Variants in TRMT44 observed in about 807,000 individuals in gnomAD.
TRMT44 encodes the protein tRNA methyltransferase 44 homolog.
TRMT44 carries 78 observed loss-of-function variants against 77.3 expected under a neutral mutation model. The observed-to-expected ratio is 1.01, with a 90% CI of 0.84 to 1.22. The LOEUF is 1.22. TRMT44 is among the 50% of genes most tolerant of loss of function. TRMT44 has a pLI of 0.00. For synonymous variants in TRMT44, 391 were observed against 383.3 expected (o/e 1.02, Z -0.23); for missense variants, 1,090 against 964.4 (o/e 1.13, Z -1.73).
At chr4:8,499,455 CT>C in the TRMT44 span, among the ~76,000 whole-genome samples, 1 of 151,754 alleles carries the variant, frequency 6.6e-6, no homozygotes, top group Non-Finnish European at 1.5e-5. Context: ...AGGCCTTTGC[CT>C]TCCCTCTTCT....
intron 2 of TRMT44, among the ~76,000 whole-genome samples, chr4:8,488,804 A>G (rs377419549): frequency 8.1e-4 from 123 of 152,312 alleles, no homozygotes; most frequent in African/African-American, 2.7e-3. Context: ...AGCTGAAGCT[A>G]TAGCCCAGGC....
the TRMT44 span, chr4:8,509,466 T>G: frequency 2.6e-5 from 4 of 152,792 alleles, no homozygotes; most frequent in African/African-American, 9.6e-5. Flanking sequence ...TCCTAAGAAG[T>G]TGCTCCCTGC....
At chr4:8,481,102 T>A (rs955431739), downstream of TRMT44, among the ~76,000 whole-genome samples, 2 of 152,336 alleles carry the variant, frequency 1.3e-5, no homozygotes, top group Non-Finnish European at 2.9e-5. Flanking sequence ...CAGCGACTAT[T>A]AGACTTCAAA....
At chr4:8,458,590 G>A (rs1725960520) in intron 6 of TRMT44, among the ~76,000 whole-genome samples, 1 of 151,374 alleles carries the variant, frequency 6.6e-6, no homozygotes, top group Non-Finnish European at 1.5e-5. Context: ...GAGTAGCTGG[G>A]ATTACAGGTG....
chr4:8,457,019 C>CG (rs1364227471), intron 6 of TRMT44, among the ~76,000 whole-genome samples: 1 of 9,336 alleles, frequency 1.1e-4, no homozygotes, highest in Non-Finnish European at 1.7e-4. Flanking sequence ...AGACACCCGC[C>CG]CCCCCCCCCC....
intron 8 of TRMT44, among the ~76,000 whole-genome samples, chr4:8,466,081 A>G (rs1163622498): frequency 1.3e-5 from 2 of 152,356 alleles, no homozygotes; most frequent in South Asian, 2.1e-4. Context: ...TGGACAGGGC[A>G]GACTTATGCC....
the TRMT44 span, among the ~76,000 whole-genome samples, chr4:8,513,211 C>T: frequency 6.6e-6 from 1 of 152,246 alleles, no homozygotes; most frequent in Non-Finnish European, 1.5e-5. Flanking sequence ...ACTTACAGTT[C>T]CACATGGCTA....
intron 6 of TRMT44, among the ~76,000 whole-genome samples, chr4:8,463,320 GA>G (rs1197930073): frequency 2.6e-5 from 4 of 152,192 alleles, no homozygotes; most frequent in Admixed American, 2.6e-4. Flanking sequence ...CTGATTATCA[GA>G]AAGGGTAGGG....
the TRMT44 span, among the ~76,000 whole-genome samples, chr4:8,514,418 C>T: frequency 1.2e-4 from 18 of 151,870 alleles, no homozygotes; most frequent in African/African-American, 4.1e-4. Context: ...GGATCACAGG[C>T]GCCCGCCACC....
At chr4:8,511,975 C>A in the TRMT44 span, 1 of 152,182 alleles carries the variant, frequency 6.6e-6, no homozygotes, top group Non-Finnish European at 1.5e-5. Flanking sequence ...TCTATCCCTG[C>A]AATAGATCCC....
the TRMT44 span, among the ~76,000 whole-genome samples, chr4:8,498,941 AC>A: frequency 1.3e-5 from 2 of 152,000 alleles, no homozygotes; most frequent in Non-Finnish European, 2.9e-5. The surrounding 1 kb of genome is among the most constrained non-coding windows in gnomAD (Gnocchi z 4.3). Flanking sequence ...CAGAGGAGGT[AC>A]CCTTGAGCTG....
chr4:8,471,078 CCA>C lies in TRMT44; in HGVS notation c.1928-3_1928-2del, dbSNP rs2109179376. On this transcript the variant is annotated splice_polypyrimidine_tract_variant and splice_region_variant and intron_variant, in intron 9 of 10. Transcript: ENST00000389737. ...TTGGGGAAAAAAAAAACCCGTTTTT[CCA>C]CAGAGAGCCTATCTCTGGCAGAAGT... 9 of 1,571,478 alleles carry C rather than the reference CCA, an allele frequency of 5.7e-6. No homozygotes were observed. Among genetic ancestry groups the C allele is most frequent in the East Asian group, 2.3e-5 (1 of 44,388 alleles).
chr4:8,513,007 G>T, the TRMT44 span, among the ~76,000 whole-genome samples: 9 of 152,102 alleles, frequency 5.9e-5, no homozygotes, highest in African/African-American at 2.2e-4. Context: ...CCGCCTCCTG[G>T]GTTCAACCAA....
chr4:8,490,004 A>C (rs2109231378), intron 2 of TRMT44, among the ~76,000 whole-genome samples: 2 of 152,300 alleles, frequency 1.3e-5, no homozygotes, highest in Middle Eastern at 6.8e-3. Flanking sequence ...ATATGTTTTC[A>C]GATTTTTTGC....
At chr4:8,482,601 A>G (rs921580535) in intron 2 of TRMT44, among the ~76,000 whole-genome samples, 1 of 152,170 alleles carries the variant, frequency 6.6e-6, no homozygotes, top group Non-Finnish European at 1.5e-5. Context: ...TGGGGGTCGC[A>G]AGGTGCTCAG....
chr4:8,499,422 C>T, the TRMT44 span, among the ~76,000 whole-genome samples: 1 of 152,164 alleles, frequency 6.6e-6, no homozygotes, highest in Admixed American at 6.5e-5. Context: ...ACCTGCCATA[C>T]ATTTCTCCAT....
chr4:8,469,845 C>T (rs1051661406), intron 9 of TRMT44, among the ~76,000 whole-genome samples: 12 of 152,268 alleles, frequency 7.9e-5, no homozygotes, highest in African/African-American at 2.7e-4. Context: ...CTCAGGCAGG[C>T]ACCTCTGCGT....
Position 8,452,972 on chromosome 4 carries a change from A to G in TRMT44, c.1114A>G (p.Ile372Val), listed in dbSNP as rs1389352214. Residue 372 changes from isoleucine (I) to valine (V), a missense_variant, in exon 5 of 11, where the codon ATC becomes GTC. Physicochemically the swap from Ile to Val is conservative, Grantham distance 29 (BLOSUM62 3). Coordinates refer to ENST00000389737, the MANE Select transcript of TRMT44 (RefSeq NM_152544.3). This position sits in a 1 kb window ranked among gnomAD's most constrained non-coding sequence, Gnocchi z 5.7. ...LGCGNGLLVH[I>V]LSSEGHPGRG... ...ATGTGGAAATGGCCTCCTGGTCCAC[A>G]TCCTGAGCAGTGAGGGGGTAAGGCC... The G allele has an allele frequency of 1.3e-6, 2 of 1,526,814 alleles. No individual in the cohort carries two copies. The highest frequency in any genetic ancestry group is 1.7e-4 in the Middle Eastern group (1 of 5,956). 94.6% of individuals were successfully genotyped at this position (1,526,814 alleles called of 1,614,324 possible).
intron 2 of TRMT44, among the ~76,000 whole-genome samples, chr4:8,482,000 A>T (rs1473861195): frequency 6.6e-6 from 1 of 152,216 alleles, no homozygotes; most frequent in Non-Finnish European, 1.5e-5. Context: ...CCTGTCTATG[A>T]AAGAAAGCCT....
Sources: allele counts gnomAD v4.1 joint callset (sites outside exome capture counted in the v4.1 genomes callset), GRCh38; gene constraint gnomAD v4.1.1; non-coding constraint Gnocchi (gnomAD v3.1); transcripts MANE v1.5; gene names NCBI Gene and HGNC (gene_info 2026-07-23, HGNC 2026-07-21).